FBLN2: variants seen among roughly 807,000 people sequenced by gnomAD.
FBLN2 encodes the protein fibulin-2.
A neutral mutation model predicts 123.7 loss-of-function variants in FBLN2; 81 were observed. The observed-to-expected ratio is 0.65, with a 90% CI of 0.55 to 0.79. The LOEUF (loss-of-function observed/expected upper bound fraction) is 0.79. Among genes scored for constraint, FBLN2 ranks in the 30% least tolerant of loss-of-function variants. The pLI is 0.00. For missense variants in FBLN2, 1,603 were observed against 1,681.3 expected (o/e 0.95, Z 0.81); for synonymous variants, 699 against 701.4 (o/e 1.00, Z 0.05).
intron 2 of FBLN2, among the ~76,000 whole-genome samples, chr3:13,605,728 G>A (rs760720026): frequency 3.3e-5 from 5 of 152,190 alleles, no homozygotes; most frequent in Non-Finnish European, 7.3e-5. Context: ...GGAGCAGAGC[G>A]TCTGGGTCCT....
rs564257143 is a variant in FBLN2 at position 13,571,546 on chromosome 3, C to T, written c.1191C>T (p.Ala397=). The change falls in exon 2 of 18, where the codon GCC becomes GCT. Residue 397 remains alanine, a synonymous_variant. Transcript: ENST00000404922. ...NILSTSLPDA[A]WIPPTREVPR... ...TGTCCACATCACTGCCTGATGCAGC[C>T]TGGATCCCACCCACCCGAGAAGTGC... 6.2e-7 allele frequency: 1 copy of T among 1,613,542 alleles called. No individual in the cohort carries two copies. The highest frequency in any genetic ancestry group is 8.5e-7 in the Non-Finnish European group (1 of 1,179,850).
chr3:13,600,813 G>A (rs1001231994), intron 2 of FBLN2, among the ~76,000 whole-genome samples: 1 of 151,896 alleles, frequency 6.6e-6, no homozygotes, highest in Non-Finnish European at 1.5e-5. Flanking sequence ...ATGGGTTTTC[G>A]CCATGTTGGC....
At chr3:13,619,879 T>G (rs929645696) in intron 8 of FBLN2, 48 bp downstream of exon 8, 1 of 1,478,336 alleles carries the variant, frequency 6.8e-7, no homozygotes, top group Non-Finnish European at 9.3e-7. Flanking sequence ...TGAGTTGGCC[T>G]GTGATGGGGG....
intron 9 of FBLN2, among the ~76,000 whole-genome samples, chr3:13,625,026 A>G (rs1473580309): frequency 1.2e-3 from 142 of 115,202 alleles, no homozygotes; most frequent in African/African-American, 4.3e-3. Flanking sequence ...CTGTGGCCCC[A>G]GGGCAGTTTC....
At position 13,626,588 on chromosome 3, in the gene FBLN2, G is replaced by A; in HGVS notation, c.2431+9G>A. ...GGATGGCGAGTGCGAAGGTGAGAAG[G>A]GCCCAGAAGGACCAACTGGAGGCCC... is the stretch of plus-strand genomic sequence containing the variant. On this transcript the variant is annotated intron_variant, in intron 10 of 17. Transcript: ENST00000404922. 6.5e-7 allele frequency: 1 copy of A among 1,533,096 alleles called. No homozygotes were observed. The highest frequency in any genetic ancestry group is 8.8e-7 in the Non-Finnish European group (1 of 1,134,144). 95.0% of individuals were successfully genotyped at this position (1,533,096 alleles called of 1,614,324 possible). A position where few individuals can be genotyped will look rare whatever the true frequency, so the allele number is the denominator to read the frequency against.
At position 13,637,969 on chromosome 3, in the gene FBLN2, T is replaced by C. The variant is rs762400649; in HGVS notation, c.*50T>C. 13 of 1,456,952 alleles carry C rather than the reference T, an allele frequency of 8.9e-6. No individual in the cohort carries two copies. Among genetic ancestry groups the C allele is most frequent in the Non-Finnish European group, 1.1e-5 (12 of 1,072,326 alleles). The allele number at this position is 1,456,952 out of a possible 1,614,324, so 90.3% of individuals were successfully genotyped here. On this transcript the variant is annotated 3_prime_UTR_variant, in exon 18 of 18. Coordinates refer to ENST00000404922, the MANE Select transcript of FBLN2 (RefSeq NM_001004019.2). ...GTGTGGCGCAGCCCAGGGCTCACAC[T>C]GCGTGGGAGGGACTGGGTCACTATT...
At chr3:13,625,340 C>T (rs999340268) in intron 9 of FBLN2, among the ~76,000 whole-genome samples, 2 of 152,170 alleles carry the variant, frequency 1.3e-5, no homozygotes, top group African/African-American at 4.8e-5. Flanking sequence ...CTGGCTTCTC[C>T]TCTCCCCAAC....
intron 2 of FBLN2, among the ~76,000 whole-genome samples, chr3:13,573,954 A>G (rs971642889): frequency 6.0e-5 from 9 of 150,998 alleles, no homozygotes; most frequent in Non-Finnish European, 1.0e-4. Context: ...TGAAGAAGGC[A>G]GAAGAGAAGC....
At position 13,637,616 on chromosome 3, in the gene FBLN2, G is replaced by T. The variant is rs528375368; in HGVS notation, c.3393G>T (p.Ala1131=). The change falls in exon 18 of 18, where the codon GCG becomes GCT. Residue 1131 remains alanine (A), a synonymous_variant. Transcript: ENST00000404922. ...HDFLECQNSP[A]RITHYQLNFQ... is the part of the protein sequence containing the mutation. Reference sequence around the variant, plus strand: ...TCCTGGAGTGCCAGAACTCGCCAGCGCGCATCACGCACTACCAGCTCAACT... The same window carrying T: ...TCCTGGAGTGCCAGAACTCGCCAGCTCGCATCACGCACTACCAGCTCAACT... The T allele has an allele frequency of 9.3e-6, 15 of 1,613,740 alleles. No individual in the cohort carries two copies. Among genetic ancestry groups the T allele is most frequent in the Admixed American group, 1.7e-5 (1 of 60,002 alleles).
At position 13,637,902 on chromosome 3, in the gene FBLN2, A is replaced by T; in HGVS notation, c.3679A>T (p.Thr1227Ser). The change falls in exon 18 of 18, where the codon ACC (threonine) becomes TCC (serine). Residue 1227 changes from threonine to serine, a missense_variant. Transcript: ENST00000404922. ...TFLAKMHIFF[T>S]TFAL ...CCTGGCCAAGATGCACATCTTCTTC[A>T]CCACCTTTGCCCTGTGAGGTGCCAG... 1 of 1,592,442 alleles carries T rather than the reference A, an allele frequency of 6.3e-7. No homozygotes were observed.
At position 13,637,882 on chromosome 3, in the gene FBLN2, C is replaced by T. The variant is rs1261821727; in HGVS notation, c.3659C>T (p.Ala1220Val). Residue 1220 changes from alanine (A) to valine (V), a missense_variant, in exon 18 of 18, where the codon GCC (alanine) becomes GTC (valine). Ala to Val is a moderately conservative substitution (Grantham distance 64). Coordinates refer to ENST00000404922, the MANE Select transcript of FBLN2 (RefSeq NM_001004019.2). Reference protein sequence around the residue: ...WRQGSVTTFLAKMHIFFTTFA... With the variant: ...WRQGSVTTFLVKMHIFFTTFA... Reference sequence around the variant, plus strand: ...CAGGGCTCCGTCACCACCTTCCTGGCCAAGATGCACATCTTCTTCACCACC... The same window carrying T: ...CAGGGCTCCGTCACCACCTTCCTGGTCAAGATGCACATCTTCTTCACCACC... 12 of 1,603,234 alleles carry T rather than the reference C, an allele frequency of 7.5e-6. No individual in the cohort carries two copies. The highest frequency in any genetic ancestry group is 1.0e-5 in the Non-Finnish European group (12 of 1,172,756).
At chr3:13,573,560 A>G (rs998854522) in intron 2 of FBLN2, among the ~76,000 whole-genome samples, 8 of 152,026 alleles carry the variant, frequency 5.3e-5, no homozygotes, top group Non-Finnish European at 1.2e-4. Context: ...AACCCTGTAC[A>G]TTCAGCATCT....
intron 11 of FBLN2, 127 bp from the exon 12 acceptor site, chr3:13,628,778 C>G: frequency 2.7e-6 from 3 of 1,119,860 alleles, no homozygotes; most frequent in Non-Finnish European, 3.8e-6. Context: ...GACAGTCTGG[C>G]CCTGCAACTC....
chr3:13,606,360 T>G (rs188379987), intron 2 of FBLN2, among the ~76,000 whole-genome samples: 4 of 152,382 alleles, frequency 2.6e-5, no homozygotes, highest in African/African-American at 9.6e-5. Context: ...TTGTTATACA[T>G]ATTGGAATTT....
At chr3:13,566,734 C>T (rs934099468) in intron 1 of FBLN2, among the ~76,000 whole-genome samples, 1 of 152,252 alleles carries the variant, frequency 6.6e-6, no homozygotes, top group African/African-American at 2.4e-5. Context: ...TGTGACATCT[C>T]AGGGTGGCCA....
intron 8 of FBLN2, among the ~76,000 whole-genome samples, chr3:13,620,390 T>C (rs1705809075): frequency 6.6e-6 from 1 of 152,088 alleles, no homozygotes; most frequent in African/African-American, 2.4e-5. Context: ...GCCAGAAGTG[T>C]CCCCGATGGG....
In FBLN2 at chr3:13,604,246, C is replaced by A. The variant is rs1705132943; in HGVS notation, c.1307-3816C>A. 3.3e-5 allele frequency among the ~76,000 whole-genome samples: 5 copies of A among 152,278 alleles called. No homozygotes were observed. In the South Asian group the frequency reaches 1.0e-3, roughly 32 times the overall value. ...GAAGCTCTTTAGTTTAATTAGATCC[C>A]ATTTGTCAATTTTGGCTTTTGTTAC... On this transcript the variant is annotated intron_variant, in intron 2 of 17. Coordinates refer to ENST00000404922, the MANE Select transcript of FBLN2 (RefSeq NM_001004019.2).
chr3:13,611,277 A>G (rs1450678077), intron 4 of FBLN2, among the ~76,000 whole-genome samples: 1 of 152,210 alleles, frequency 6.6e-6, no homozygotes, highest in Non-Finnish European at 1.5e-5. Context: ...TGAAATACAC[A>G]TGATGTAAAA....
chr3:13,633,163 T>A lies in FBLN2; in HGVS notation c.3214+1706T>A, dbSNP rs1706316327. Among the ~76,000 whole-genome samples the A allele has an allele frequency of 3.3e-5, 5 of 152,254 alleles. No individual in the cohort carries two copies. The South Asian group carries it at 1.0e-3, about 31-fold the overall frequency. Reference sequence around the variant, plus strand: ...GGACACCTGGATGCCCACATGTGCCTGGCTAGCCACTAGAGAGGGCTTCCC... The same window carrying A: ...GGACACCTGGATGCCCACATGTGCCAGGCTAGCCACTAGAGAGGGCTTCCC... On this transcript the variant is annotated intron_variant, in intron 16 of 17. Transcript: ENST00000404922.
Sources: gnomAD v4.1 joint callset for allele counts (sites outside exome capture counted in the v4.1 genomes callset) on GRCh38, gnomAD v4.1.1 for gene constraint, MANE v1.5 for transcripts, NCBI Gene and HGNC (gene_info 2026-07-23, HGNC 2026-07-21) for gene names.